OPCML: variants seen among roughly 807,000 people sequenced by gnomAD.
OPCML encodes the protein opioid binding protein/cell adhesion molecule like, also known as opioid-binding protein/cell adhesion molecule.
Under a neutral mutation model 37.8 loss-of-function variants are expected in OPCML, and 13 were observed. That is an observed-to-expected ratio of 0.34 (90% CI 0.22 to 0.55). The LOEUF is 0.55. OPCML is among the 20% of genes least tolerant of loss of function. OPCML has a pLI of 0.91. For missense variants in OPCML, 341 were observed against 435.6 expected, an observed-to-expected ratio of 0.78 and a Z score of 1.93; for synonymous variants, 176 against 168.8, an observed-to-expected ratio of 1.04 and a Z score of -0.33.
intron 1 of OPCML, among the ~76,000 whole-genome samples, chr11:133,431,802 T>C (rs942413745): frequency 1.0e-4 from 15 of 147,708 alleles, no homozygotes; most frequent in African/African-American, 3.7e-4. Context: ...ATAAAATATT[T>C]ATATATAATA....
chr11:133,247,887 G>A (rs931021170), intron 1 of OPCML, among the ~76,000 whole-genome samples: 3 of 152,128 alleles, frequency 2.0e-5, no homozygotes, highest in African/African-American at 7.2e-5. Flanking sequence ...GGGATTATAG[G>A]CATGAGCCAC....
At chr11:133,196,429 A>G (rs1354118934) in intron 1 of OPCML, among the ~76,000 whole-genome samples, 1 of 152,178 alleles carries the variant, frequency 6.6e-6, no homozygotes, top group Non-Finnish European at 1.5e-5. Context: ...ATGCTCATAC[A>G]TATTCATCTT....
chr11:133,319,271 C>T (rs1943274965), intron 1 of OPCML, among the ~76,000 whole-genome samples: 1 of 152,144 alleles, frequency 6.6e-6, no homozygotes, highest in South Asian at 2.1e-4. Flanking sequence ...AAGTTGTGCA[C>T]CCAGGTGAGA....
At chr11:132,804,480 A>T (rs1938877805) in intron 2 of OPCML, among the ~76,000 whole-genome samples, 1 of 152,202 alleles carries the variant, frequency 6.6e-6, no homozygotes, top group South Asian at 2.1e-4. Context: ...ACCAGGTGGC[A>T]GCTGCTATGT....
intron 4 of OPCML, among the ~76,000 whole-genome samples, chr11:132,466,289 T>C (rs1264803575): frequency 6.9e-6 from 1 of 144,090 alleles, no homozygotes; most frequent in Non-Finnish European, 1.5e-5. Context: ...ATCGAGACCA[T>C]GATGAAACCC....
intron 3 of OPCML, among the ~76,000 whole-genome samples, chr11:132,628,163 C>T (rs1591642924): frequency 6.6e-6 from 1 of 151,876 alleles, no homozygotes; most frequent in Non-Finnish European, 1.5e-5. Context: ...GATGGGAGGG[C>T]ATGGTGTTAC....
chr11:132,712,071 G>T (rs567449885), intron 2 of OPCML, among the ~76,000 whole-genome samples: 1 of 152,292 alleles, frequency 6.6e-6, no homozygotes. Context: ...ACCCTCTAAA[G>T]CCCCTGTCCC....
intron 1 of OPCML, chr11:133,422,294 T>C (rs1000319510): frequency 5.7e-5 from 56 of 984,362 alleles, no homozygotes; most frequent in Non-Finnish European, 6.4e-5. Context: ...AACACGAAGA[T>C]ATGGGGCAAG....
At chr11:133,335,251 C>T (rs1943718549) in intron 1 of OPCML, among the ~76,000 whole-genome samples, 2 of 152,196 alleles carry the variant, frequency 1.3e-5, no homozygotes, top group African/African-American at 2.4e-5. Flanking sequence ...ATAAAGGAAG[C>T]TCAGGCTGAA....
intron 2 of OPCML, among the ~76,000 whole-genome samples, chr11:132,785,610 C>A (rs1455935463): frequency 2.0e-5 from 3 of 152,150 alleles, no homozygotes; most frequent in Non-Finnish European, 4.4e-5. Flanking sequence ...TACAGGATAC[C>A]AAATCTTTTA....
At chr11:133,129,973 C>A (rs1274340037) in intron 1 of OPCML, among the ~76,000 whole-genome samples, 1 of 149,078 alleles carries the variant, frequency 6.7e-6, no homozygotes, top group African/African-American at 2.5e-5. Flanking sequence ...TTGAAAAAAT[C>A]AGTCAATTAA....
intron 1 of OPCML, among the ~76,000 whole-genome samples, chr11:133,344,626 C>T (rs1943954904): frequency 6.6e-6 from 1 of 152,190 alleles, no homozygotes; most frequent in African/African-American, 2.4e-5. Context: ...GGAGCCCCAC[C>T]TCCTACTTCT....
intron 3 of OPCML, among the ~76,000 whole-genome samples, chr11:132,597,675 A>G (rs941968257): frequency 2.6e-5 from 4 of 152,222 alleles, no homozygotes; most frequent in Non-Finnish European, 4.4e-5. Context: ...AAATGCTGTC[A>G]TCAGGGTATA....
intron 7 of OPCML, among the ~76,000 whole-genome samples, chr11:132,431,333 A>G (rs991212532): frequency 1.3e-5 from 2 of 152,368 alleles, no homozygotes; most frequent in East Asian, 1.9e-4. Context: ...AACAGACAGC[A>G]TCACAGTTTG....
chr11:132,447,224 T>A (rs1232539873), intron 4 of OPCML, among the ~76,000 whole-genome samples: 1 of 152,220 alleles, frequency 6.6e-6, no homozygotes, highest in Non-Finnish European at 1.5e-5. Flanking sequence ...AATGCCTTTG[T>A]TGTTTTCCTG....
intron 3 of OPCML, among the ~76,000 whole-genome samples, chr11:132,542,738 G>C (rs1378437087): frequency 1.3e-5 from 2 of 152,192 alleles, no homozygotes; most frequent in Admixed American, 1.3e-4. Flanking sequence ...TGTCTCAACT[G>C]AGCTGGCTGC....
At chr11:132,895,963 T>C (rs1027784671) in intron 2 of OPCML, among the ~76,000 whole-genome samples, 1 of 152,154 alleles carries the variant, frequency 6.6e-6, no homozygotes, top group African/African-American at 2.4e-5. Flanking sequence ...TGGGGAATGC[T>C]TGTGGGAATG....
intron 1 of OPCML, among the ~76,000 whole-genome samples, chr11:133,291,470 C>A (rs1385280342): frequency 6.6e-6 from 1 of 152,198 alleles, no homozygotes; most frequent in African/African-American, 2.4e-5. Flanking sequence ...CTGGTGGGCA[C>A]CCCTCAGGGG....
chr11:132,512,259 T>C (rs1359574748), intron 4 of OPCML, among the ~76,000 whole-genome samples: 5 of 152,096 alleles, frequency 3.3e-5, no homozygotes, highest in African/African-American at 4.8e-5. Flanking sequence ...CTTATAGGAA[T>C]ACAAATTGGT....
Sources: gnomAD v4.1 joint callset for allele counts (sites outside exome capture counted in the v4.1 genomes callset) on GRCh38, gnomAD v4.1.1 for gene constraint, MANE v1.5 for transcripts, NCBI Gene and HGNC (gene_info 2026-07-23, HGNC 2026-07-21) for gene names.